The following WDR49 variants were observed in gnomAD, a reference collection of about 807,000 sequenced individuals.
WDR49 encodes WD repeat domain 49.
Under a neutral mutation model 119.5 loss-of-function variants are expected in WDR49, and 107 were observed. The observed-to-expected ratio is 0.90, with a 90% CI of 0.77 to 1.05. WDR49 has a LOEUF of 1.05. WDR49 is among the 50% of genes least tolerant of loss of function. The pLI is 0.00. For synonymous variants in WDR49, 425 were observed against 418.8 expected (o/e 1.01, Z -0.18); for missense variants, 1,240 against 1,220.5 (o/e 1.02, Z -0.24).
chr3:167,514,180 T>G (rs1320662927), intron 16 of WDR49, among the ~76,000 whole-genome samples: 1 of 152,200 alleles, frequency 6.6e-6, no homozygotes, highest in Non-Finnish European at 1.5e-5. Context: ...CACATGGCAC[T>G]TCCTCTAAAA....
chr3:167,510,166 C>T (rs1197616561), intron 16 of WDR49, among the ~76,000 whole-genome samples: 2 of 152,120 alleles, frequency 1.3e-5, no homozygotes, highest in Admixed American at 1.3e-4. Flanking sequence ...GGGCAGATCA[C>T]GAGGTCAGGA....
chr3:167,478,722 T>C lies in WDR49; in HGVS notation c.*156A>G, dbSNP rs1163605646. ...TTATTTTATTAAGAATACAGAGAAA[T>C]TGACAGATGATAGATAAAAGCAGTA... On this transcript the variant is annotated 3_prime_UTR_variant, in exon 19 of 19. Transcript: ENST00000682715. 1.3e-5 allele frequency: 6 copies of C among 452,466 alleles called. No individual in the cohort carries two copies. Among genetic ancestry groups the C allele is most frequent in the Non-Finnish European group, 1.9e-5 (5 of 261,094 alleles). 28.0% of individuals were successfully genotyped at this position (452,466 alleles called of 1,614,324 possible). A position where few individuals can be genotyped will look rare whatever the true frequency, so the allele number is the denominator to read the frequency against.
rs1470341778 is a variant in WDR49, at chr3:167,557,211, A to G, written c.1675-2413T>C. Among the ~76,000 whole-genome samples, 3 of 152,186 alleles carry G rather than the reference A, an allele frequency of 2.0e-5. No individual in the cohort carries two copies. In the East Asian group the frequency reaches 5.8e-4, roughly 29 times the overall value. On this transcript the variant is annotated intron_variant, in intron 9 of 18. Coordinates refer to ENST00000682715, the MANE Select transcript of WDR49 (RefSeq NM_001366157.1). The stretch of plus-strand genomic sequence containing the variant: ...GACTCTGTCTCAAAAAATAATTATT[A>G]TTATTAAAAGGCATATACCCTTTAA...
chr3:167,630,449 A>T (rs1717321717), intron 2 of WDR49, among the ~76,000 whole-genome samples: 1 of 152,072 alleles, frequency 6.6e-6, no homozygotes, highest in Admixed American at 6.6e-5. Context: ...GACTCACTTT[A>T]TCCTGATACC....
Position 167,554,758 on chromosome 3 carries a change from A to T in WDR49, c.1715T>A (p.Val572Asp). The T allele has an allele frequency of 1.9e-6, 3 of 1,613,138 alleles. No individual in the cohort carries two copies. The highest frequency in any genetic ancestry group is 1.7e-4 in the Middle Eastern group (1 of 6,056). ...AATATCCACAGCTCCATCTTGCCCAACATTTAGTGTATGGTGACAATATCC... is the reference window on the plus strand; with the variant it reads ...AATATCCACAGCTCCATCTTGCCCATCATTTAGTGTATGGTGACAATATCC... ...FNGYCHHTLN[V>D]GQDGAVDISQ... Residue 572 changes from valine to aspartate, a missense_variant, in exon 10 of 19, where the codon GTT becomes GAT. By Grantham distance (152) the Val-to-Asp change is radical (BLOSUM62 -3). Transcript: ENST00000682715.
At chr3:167,606,540 T>G (rs905897045) in intron 5 of WDR49, among the ~76,000 whole-genome samples, 1 of 152,228 alleles carries the variant, frequency 6.6e-6, no homozygotes, top group Non-Finnish European at 1.5e-5. Flanking sequence ...TGAGTGTAAC[T>G]GTCCCTTGAT....
At chr3:167,586,175 G>C (rs1714803780) in intron 7 of WDR49, among the ~76,000 whole-genome samples, 1 of 152,182 alleles carries the variant, frequency 6.6e-6, no homozygotes, top group African/African-American at 2.4e-5. Context: ...GACCAAATCA[G>C]GATTAGTGGC....
At chr3:167,500,341 G>T in intron 17 of WDR49, 42 bp from the exon 18 acceptor site, 1 of 1,592,220 alleles carries the variant, frequency 6.3e-7, no homozygotes, top group Non-Finnish European at 8.5e-7. Context: ...GGAGAAAAAG[G>T]GTACAATATC....
Position 167,586,433 on chromosome 3 carries a change from C to A in WDR49, c.1276-10282G>T, listed in dbSNP as rs58242765. On this transcript the variant is annotated intron_variant, in intron 7 of 18. Coordinates refer to ENST00000682715, the MANE Select transcript of WDR49 (RefSeq NM_001366157.1). ...CTCTTTAATCACCACTGGAAAATAG[C>A]AATAGAGAAGATTTCCAAAAACGAA... Among the ~76,000 whole-genome samples, 1,355 of 152,204 alleles carry A rather than the reference C, an allele frequency of 8.9e-3. 93 individuals carry two copies. In the East Asian group the frequency reaches 0.18, roughly 20 times the overall value.
At chr3:167,500,438 G>A in intron 17 of WDR49, 139 bp from the exon 18 acceptor site, 1 of 988,020 alleles carries the variant, frequency 1.0e-6, no homozygotes. Flanking sequence ...CAGCTGCAGT[G>A]ATCTGCAAAC....
intron 7 of WDR49, among the ~76,000 whole-genome samples, chr3:167,579,329 A>G (rs1393372949): frequency 6.6e-6 from 1 of 152,220 alleles, no homozygotes; most frequent in Non-Finnish European, 1.5e-5. Context: ...CAAACAGGAT[A>G]TGCCCAAGAA....
chr3:167,558,100 A>G (rs1713051795), intron 9 of WDR49, among the ~76,000 whole-genome samples: 1 of 152,176 alleles, frequency 6.6e-6, no homozygotes, highest in East Asian at 1.9e-4. Flanking sequence ...AAACAAACAA[A>G]CAAGAATGAT....
At chr3:167,621,390 T>A in intron 4 of WDR49, 77 bp downstream of exon 4, 1 of 1,348,608 alleles carries the variant, frequency 7.4e-7, no homozygotes, top group Non-Finnish European at 9.7e-7. Flanking sequence ...TCACACTCAT[T>A]GCATTTTAAT....
At chr3:167,496,990 T>G (rs1751379864) in intron 18 of WDR49, among the ~76,000 whole-genome samples, 1 of 152,336 alleles carries the variant, frequency 6.6e-6, no homozygotes, top group East Asian at 1.9e-4. Context: ...GGGTTCATTT[T>G]GACTTCTGCT....
At chr3:167,505,956 C>T (rs150202126) in intron 16 of WDR49, among the ~76,000 whole-genome samples, 51 of 152,260 alleles carry the variant, frequency 3.3e-4, no homozygotes, top group East Asian at 1.4e-3. Context: ...AAAATCATTA[C>T]ATAGCTGTAT....
intron 10 of WDR49, among the ~76,000 whole-genome samples, chr3:167,550,958 T>C (rs900221212): frequency 6.6e-6 from 1 of 151,970 alleles, no homozygotes; most frequent in African/African-American, 2.4e-5. Context: ...AACATAAATA[T>C]GGCCACAGAT....
chr3:167,496,403 T>C (rs1394061915), intron 18 of WDR49, among the ~76,000 whole-genome samples: 1 of 152,028 alleles, frequency 6.6e-6, no homozygotes, highest in African/African-American at 2.4e-5. Context: ...GCACACCATA[T>C]TATTCATACC....
chr3:167,540,803 A>C (rs1711769444), intron 10 of WDR49, among the ~76,000 whole-genome samples: 1 of 152,086 alleles, frequency 6.6e-6, no homozygotes, highest in African/African-American at 2.4e-5. Flanking sequence ...ATTTTTAAAA[A>C]TACAGGATAT....
intron 7 of WDR49, among the ~76,000 whole-genome samples, chr3:167,578,454 A>T (rs746937742): frequency 2.4e-4 from 36 of 152,110 alleles, no homozygotes; most frequent in Non-Finnish European, 4.1e-4. Flanking sequence ...GTGTGTGTAT[A>T]TATGTGTGTG....
Sources: gnomAD v4.1 joint callset for allele counts (sites outside exome capture counted in the v4.1 genomes callset) on GRCh38, gnomAD v4.1.1 for gene constraint, MANE v1.5 for transcripts, NCBI Gene and HGNC (gene_info 2026-07-23, HGNC 2026-07-21) for gene names.